FGF14: variants seen among roughly 807,000 people sequenced by gnomAD.
FGF14 encodes the protein fibroblast growth factor 14.
A neutral mutation model predicts 25.5 loss-of-function variants in FGF14; 5 were observed. That is an observed-to-expected ratio of 0.20 (90% confidence interval 0.10 to 0.41). FGF14 has a LOEUF of 0.41. Ranked by LOEUF, FGF14 falls within the 10% of genes least tolerant of loss-of-function variation. FGF14 has a pLI of 1.00. For missense variants in FGF14, 222 were observed against 320.1 expected (o/e 0.69, Z 2.34); for synonymous variants, 138 against 118.3 (o/e 1.17, Z -1.08).
intron 1 of FGF14, among the ~76,000 whole-genome samples, chr13:101,961,022 C>T (rs1274040134): frequency 6.6e-6 from 1 of 151,956 alleles, no homozygotes; most frequent in African/African-American, 2.4e-5. Flanking sequence ...TATCTTTTGC[C>T]CATTTTTTAA....
At chr13:102,074,663 T>G (rs2043289195) in intron 1 of FGF14, among the ~76,000 whole-genome samples, 1 of 152,190 alleles carries the variant, frequency 6.6e-6, no homozygotes, top group African/African-American at 2.4e-5. Flanking sequence ...ATATCCCTGA[T>G]GAACACAGAT....
At chr13:102,224,075 T>C (rs1317692863) in intron 1 of FGF14, among the ~76,000 whole-genome samples, 1 of 152,130 alleles carries the variant, frequency 6.6e-6, no homozygotes, top group Non-Finnish European at 1.5e-5. Flanking sequence ...TATAAACATA[T>C]TGTAACTAAT....
chr13:102,395,372 G>C (rs1184948473), intron 1 of FGF14: 1 of 152,304 alleles, frequency 6.6e-6, no homozygotes, highest in East Asian at 1.9e-4. Context: ...TGGGGAGAAC[G>C]CCATGAGCTT....
At chr13:102,216,382 G>A (rs2050371300) in intron 1 of FGF14, among the ~76,000 whole-genome samples, 1 of 152,116 alleles carries the variant, frequency 6.6e-6, no homozygotes, top group African/African-American at 2.4e-5. Flanking sequence ...ATTCACAGCA[G>A]GATTGAGGTA....
chr13:102,058,842 T>C (rs2042550964), intron 1 of FGF14, among the ~76,000 whole-genome samples: 2 of 152,158 alleles, frequency 1.3e-5, no homozygotes. Context: ...GTATCACATG[T>C]TGTTTCTAGT....
At chr13:102,071,572 T>A (rs1279930680) in intron 1 of FGF14, among the ~76,000 whole-genome samples, 2 of 152,214 alleles carry the variant, frequency 1.3e-5, no homozygotes, top group Admixed American at 1.3e-4. Context: ...AACAGTAAAC[T>A]GAGATTTATC....
In FGF14 at chr13:101,916,863, C is replaced by G. The variant is rs1232781245; in HGVS notation, c.-218G>C. On this transcript the variant is annotated 5_prime_UTR_variant, in exon 1 of 5. Transcript: ENST00000376143. ...GCCAGGCGCGCAGATGCGCCCAGGG[C>G]GCAGCCGGACGATCCCGGGAAGCCG... is the stretch of plus-strand genomic sequence containing the variant. Among the ~76,000 whole-genome samples the G allele has an allele frequency of 8.5e-5, 13 of 152,244 alleles. No homozygotes were observed. The highest frequency in any genetic ancestry group is 2.2e-4 in the African/African-American group (9 of 41,570).
intron 1 of FGF14, chr13:102,394,803 C>G (rs1172587779): frequency 6.6e-6 from 1 of 152,388 alleles, no homozygotes; most frequent in Non-Finnish European, 1.5e-5. Flanking sequence ...AGTCCACACT[C>G]GGAACCCAGC....
chr13:102,065,992 T>G (rs920710126), intron 1 of FGF14, among the ~76,000 whole-genome samples: 1 of 152,096 alleles, frequency 6.6e-6, no homozygotes, highest in African/African-American at 2.4e-5. Context: ...AATCCACTTT[T>G]GTGATGTAGA....
At chr13:102,013,708 T>C (rs2040197165) in intron 1 of FGF14, among the ~76,000 whole-genome samples, 1 of 152,192 alleles carries the variant, frequency 6.6e-6, no homozygotes, top group African/African-American at 2.4e-5. Context: ...CCTGGAAGTG[T>C]TTATTTTTCA....
intron 3 of FGF14, among the ~76,000 whole-genome samples, chr13:101,775,399 C>T (rs558248021): frequency 4.6e-5 from 7 of 151,970 alleles, no homozygotes; most frequent in Non-Finnish European, 1.0e-4. Context: ...AACATTTGGC[C>T]CACAGATGAT....
intron 1 of FGF14, among the ~76,000 whole-genome samples, chr13:102,021,435 AAG>A (rs901090246): frequency 1.3e-5 from 2 of 151,710 alleles, no homozygotes; most frequent in Non-Finnish European, 2.9e-5. Context: ...TAAGAGGAGA[AAG>A]AGCCCTTTGG....
intron 1 of FGF14, among the ~76,000 whole-genome samples, chr13:101,880,107 C>T (rs1389172450): frequency 6.6e-6 from 1 of 152,186 alleles, no homozygotes; most frequent in Non-Finnish European, 1.5e-5. Flanking sequence ...CCTCTAGGAA[C>T]CTGGTTCCAG....
chr13:101,875,342 T>C (rs780733632), intron 1 of FGF14, 46 bp from the exon 2 acceptor site: 17 of 1,253,212 alleles, frequency 1.4e-5, no homozygotes, highest in South Asian at 9.6e-5. Flanking sequence ...TGTGTCACCA[T>C]AGTTTCCTTT....
chr13:102,116,179 T>G (rs1450122927), intron 1 of FGF14, among the ~76,000 whole-genome samples: 3 of 152,122 alleles, frequency 2.0e-5, no homozygotes, highest in Admixed American at 6.6e-5. Context: ...GGATGGCTAT[T>G]ATAATAATTT....
intron 1 of FGF14, among the ~76,000 whole-genome samples, chr13:102,365,629 G>A (rs773642538): frequency 1.3e-5 from 2 of 151,946 alleles, no homozygotes; most frequent in African/African-American, 2.4e-5. Flanking sequence ...GTTCCTTCAC[G>A]GAATCTCTCA....
intron 3 of FGF14, among the ~76,000 whole-genome samples, chr13:101,766,559 G>C (rs1006792004): frequency 4.6e-5 from 7 of 152,198 alleles, no homozygotes; most frequent in African/African-American, 1.7e-4. Flanking sequence ...GTGTTGAACA[G>C]CATCAAAAGC....
intron 1 of FGF14, among the ~76,000 whole-genome samples, chr13:102,135,872 T>C (rs1009970820): frequency 2.0e-5 from 3 of 151,770 alleles, no homozygotes; most frequent in Non-Finnish European, 2.9e-5. Flanking sequence ...GCCAGGATGC[T>C]CTCTAAATCC....
chr13:102,014,616 T>C (rs1424098542), intron 1 of FGF14, among the ~76,000 whole-genome samples: 2 of 152,142 alleles, frequency 1.3e-5, no homozygotes, highest in Non-Finnish European at 2.9e-5. Context: ...CAGTCCACAA[T>C]AGTTGGAAAT....
Sources: gnomAD v4.1 joint callset for allele counts (sites outside exome capture counted in the v4.1 genomes callset) on GRCh38, gnomAD v4.1.1 for gene constraint, MANE v1.5 for transcripts, NCBI Gene and HGNC (gene_info 2026-07-23, HGNC 2026-07-21) for gene names.